PDE10A: variants seen among roughly 807,000 people sequenced by gnomAD.
PDE10A encodes the protein cAMP and cAMP-inhibited cGMP 3',5'-cyclic phosphodiesterase 10A.
PDE10A carries 39 observed loss-of-function variants against 97.7 expected under a neutral mutation model. That is an observed-to-expected ratio of 0.40 (90% CI 0.31 to 0.52). The LOEUF (loss-of-function observed/expected upper bound fraction) is 0.52, where lower values mean the gene tolerates loss of function less well. Among genes scored for constraint, PDE10A ranks in the 20% least tolerant of loss-of-function variants. PDE10A has a pLI of 0.56. For missense variants in PDE10A, 731 were observed against 1,047.8 expected (o/e 0.70, Z 4.17); for synonymous variants, 371 against 376.8 (o/e 0.98, Z 0.18).
At chr6:165,857,050 T>G (rs954003788) in intron 1 of PDE10A, among the ~76,000 whole-genome samples, 4 of 152,216 alleles carry the variant, frequency 2.6e-5, no homozygotes, top group Admixed American at 2.0e-4. Context: ...TACGCAGACC[T>G]GTTTTAATGC....
rs575496176 is a variant in PDE10A at position 165,544,015 on chromosome 6, A to T, written c.866-447T>A. On this transcript the variant is annotated intron_variant, in intron 1 of 21. Coordinates refer to ENST00000539869, the MANE Select transcript of PDE10A (RefSeq NM_001385079.1). ...ACATATGAACCAATGCCAAGAACCA[A>T]TGCTGTACATTAAGGCTTACAGAGT... is the stretch of plus-strand genomic sequence containing the variant. Among the ~76,000 whole-genome samples the T allele has an allele frequency of 5.3e-5, 8 of 152,274 alleles. No homozygotes were observed. In the South Asian group the frequency reaches 1.7e-3, roughly 32 times the overall value.
chr6:165,950,146 G>T (rs948604830), intron 1 of PDE10A, among the ~76,000 whole-genome samples: 1 of 152,010 alleles, frequency 6.6e-6, no homozygotes, highest in Non-Finnish European at 1.5e-5. Context: ...TTGAAAATAT[G>T]ACCTATTTCT....
chr6:165,697,050 G>A (rs995046485), intron 1 of PDE10A, among the ~76,000 whole-genome samples: 2 of 152,142 alleles, frequency 1.3e-5, no homozygotes, highest in African/African-American at 4.8e-5. Flanking sequence ...AAAGAGAGGT[G>A]CCATTAAACA....
intron 1 of PDE10A, among the ~76,000 whole-genome samples, chr6:165,638,940 G>A (rs370229098): frequency 6.6e-5 from 10 of 151,838 alleles, no homozygotes; most frequent in East Asian, 5.8e-4. Context: ...TTGTAATGAC[G>A]CCCTAACAAT....
intron 1 of PDE10A, among the ~76,000 whole-genome samples, chr6:165,892,458 G>A (rs138048073): frequency 1.5e-3 from 232 of 152,346 alleles, no homozygotes; most frequent in African/African-American, 5.4e-3. Flanking sequence ...AGGGAATGCC[G>A]AGCCTGGCCA....
At chr6:165,397,924 T>A (rs1786304874) in intron 13 of PDE10A, among the ~76,000 whole-genome samples, 1 of 152,134 alleles carries the variant, frequency 6.6e-6, no homozygotes, top group South Asian at 2.1e-4. Flanking sequence ...GCACACAAAC[T>A]GTGTTCATGT....
At position 165,538,272 on chromosome 6, in the gene PDE10A, T is replaced by C. The variant is rs539666954; in HGVS notation, c.994+5168A>G. On this transcript the variant is annotated intron_variant, in intron 2 of 21. Transcript: ENST00000539869. ...GAAAAAAGAAAACTTCAATTATTTGTTGAAAAAAATTTAAGGTATCAGGCA... is the reference window on the plus strand; with the variant it reads ...GAAAAAAGAAAACTTCAATTATTTGCTGAAAAAAATTTAAGGTATCAGGCA... Among the ~76,000 whole-genome samples the C allele has an allele frequency of 2.6e-5, 4 of 152,226 alleles. No homozygotes were observed. In the South Asian group the frequency reaches 6.2e-4, roughly 24 times the overall value.
intron 1 of PDE10A, among the ~76,000 whole-genome samples, chr6:165,928,039 T>C (rs917337695): frequency 6.6e-6 from 1 of 150,670 alleles, no homozygotes; most frequent in Non-Finnish European, 1.5e-5. Context: ...TTATATATAA[T>C]TTAATATGTA....
intron 1 of PDE10A, among the ~76,000 whole-genome samples, chr6:165,759,666 T>G (rs1793205848): frequency 6.6e-6 from 1 of 152,184 alleles, no homozygotes; most frequent in Non-Finnish European, 1.5e-5. Context: ...TTCCAACCAA[T>G]GATATTTTTT....
intron 1 of PDE10A, among the ~76,000 whole-genome samples, chr6:165,872,838 A>C (rs1583216767): frequency 6.6e-6 from 1 of 152,090 alleles, no homozygotes; most frequent in Non-Finnish European, 1.5e-5. Context: ...ACCACCACCA[A>C]CACTACTCAG....
At chr6:165,679,469 G>C (rs1790916105) in intron 1 of PDE10A, among the ~76,000 whole-genome samples, 1 of 152,158 alleles carries the variant, frequency 6.6e-6, no homozygotes, top group Admixed American at 6.5e-5. Context: ...ATTCTCACCG[G>C]CCGCTACCTC....
chr6:165,830,249 G>T (rs1443201196), intron 1 of PDE10A, among the ~76,000 whole-genome samples: 3 of 152,186 alleles, frequency 2.0e-5, no homozygotes. Context: ...GCCTCACAAA[G>T]GCGCCTCTGT....
intron 17 of PDE10A, among the ~76,000 whole-genome samples, chr6:165,386,754 G>A (rs1785329169): frequency 6.6e-6 from 1 of 151,744 alleles, no homozygotes; most frequent in African/African-American, 2.4e-5. Flanking sequence ...TGTAATCCCA[G>A]CACTTTGGGA....
At chr6:165,410,216 T>C (rs975835241) in intron 13 of PDE10A, among the ~76,000 whole-genome samples, 3 of 152,194 alleles carry the variant, frequency 2.0e-5, no homozygotes, top group African/African-American at 7.2e-5. Flanking sequence ...TAAAGGTTTC[T>C]GAAACTTTCC....
intron 13 of PDE10A, among the ~76,000 whole-genome samples, chr6:165,413,186 A>G (rs1384335608): frequency 6.6e-6 from 1 of 152,132 alleles, no homozygotes; most frequent in Non-Finnish European, 1.5e-5. Flanking sequence ...TTTAGGTAGC[A>G]TTTTCTTTCT....
chr6:165,886,455 G>A (rs1781636035), intron 1 of PDE10A, among the ~76,000 whole-genome samples: 1 of 152,238 alleles, frequency 6.6e-6, no homozygotes, highest in African/African-American at 2.4e-5. Flanking sequence ...TGCTGCTCCT[G>A]ATGGGTTTGC....
chr6:165,414,996 C>G (rs1228406832), intron 12 of PDE10A, among the ~76,000 whole-genome samples: 1 of 152,080 alleles, frequency 6.6e-6, no homozygotes, highest in Non-Finnish European at 1.5e-5. Context: ...AATCACCTGC[C>G]CTTTGTATTA....
chr6:165,392,883 C>A, intron 15 of PDE10A, 87 bp from the exon 16 acceptor site: 8 of 1,155,956 alleles, frequency 6.9e-6, no homozygotes, highest in Non-Finnish European at 1.0e-5. Context: ...ACATATATGT[C>A]TGTACCCTTA....
intron 1 of PDE10A, among the ~76,000 whole-genome samples, chr6:165,571,509 A>G (rs925721814): frequency 6.6e-6 from 1 of 152,206 alleles, no homozygotes; most frequent in Non-Finnish European, 1.5e-5. Context: ...TGCTATGGAT[A>G]ATGTTATCTG....
Sources: gnomAD v4.1 joint callset for allele counts (sites outside exome capture counted in the v4.1 genomes callset) on GRCh38, gnomAD v4.1.1 for gene constraint, MANE v1.5 for transcripts, NCBI Gene and HGNC (gene_info 2026-07-23, HGNC 2026-07-21) for gene names.